The following SMPDL3A variants were observed in gnomAD, a reference collection of about 807,000 sequenced individuals.
The protein encoded by SMPDL3A is sphingomyelin phosphodiesterase acid like 3A.
A neutral mutation model predicts 38.5 loss-of-function variants in SMPDL3A; 39 were observed. The ratio of observed to expected loss-of-function variants is 1.01; its 90% CI spans 0.78 to 1.32. SMPDL3A has a LOEUF of 1.32. Among genes scored for constraint, SMPDL3A ranks in the 40% most tolerant of loss-of-function variants. SMPDL3A has a pLI of 0.00. For synonymous variants in SMPDL3A, 180 were observed against 194.3 expected (o/e 0.93, Z 0.61); for missense variants, 502 against 536.2 (o/e 0.94, Z 0.63).
intron 4 of SMPDL3A, 88 bp downstream of exon 4, chr6:122,801,494 C>CTCCAGAAGTGGCACACT: frequency 1.1e-6 from 1 of 928,978 alleles, no homozygotes; most frequent in African/African-American, 1.6e-5. Context: ...CTTGAGTGTG[C>CTCCAGAAGTGGCACACT]CACTTCTGGA....
intron 7 of SMPDL3A, 140 bp from the exon 8 acceptor site, chr6:122,808,951 C>T: frequency 1.5e-6 from 1 of 675,950 alleles, no homozygotes; most frequent in Non-Finnish European, 2.5e-6. Flanking sequence ...GCCTCAGCCT[C>T]TCAAAGTGCT....
At chr6:122,798,617 C>T (rs1427853550) in intron 3 of SMPDL3A, among the ~76,000 whole-genome samples, 1 of 152,194 alleles carries the variant, frequency 6.6e-6, no homozygotes, top group Non-Finnish European at 1.5e-5. Context: ...ATGAAAAAGG[C>T]ATAGCTTACT....
rs1780987203 is a variant in SMPDL3A, at chr6:122,789,467, T to C, written c.112+9T>C. 1.3e-6 allele frequency: 2 copies of C among 1,543,528 alleles called. No homozygotes were observed. The highest frequency in any genetic ancestry group is 1.7e-4 in the Middle Eastern group (1 of 5,972). ...TCCTCCTCCGGCGATAGGTGAGTTG[T>C]CCGCGACCCTTCTCTTCCCAGCCGG... On this transcript the variant is annotated intron_variant, in intron 1 of 7. Coordinates refer to ENST00000368440, the MANE Select transcript of SMPDL3A (RefSeq NM_006714.5).
At chr6:122,805,142 G>T in intron 6 of SMPDL3A, 53 bp downstream of exon 6, 3 of 1,394,838 alleles carry the variant, frequency 2.2e-6, no homozygotes, top group Admixed American at 2.7e-5. Context: ...AGAGCAAAGC[G>T]GTGAATATCC....
At chr6:122,794,365 G>C (rs1034651239) in intron 1 of SMPDL3A, among the ~76,000 whole-genome samples, 1 of 151,974 alleles carries the variant, frequency 6.6e-6, no homozygotes, top group Admixed American at 6.6e-5. Flanking sequence ...TAGGAGGCTG[G>C]GGCGGGCACA....
chr6:122,801,184 G>A (rs1562352169), intron 3 of SMPDL3A, 126 bp from the exon 4 acceptor site: 14 of 672,826 alleles, frequency 2.1e-5, no homozygotes, highest in Non-Finnish European at 2.1e-5. Flanking sequence ...TGAAGATGAA[G>A]TCTATCTAAT....
At chr6:122,803,980 CT>C in intron 5 of SMPDL3A, 147 bp downstream of exon 5, 2 of 575,824 alleles carry the variant, frequency 3.5e-6, no homozygotes, top group East Asian at 6.2e-5. Context: ...CATGGATTTT[CT>C]TTCTTTTTTT....
chr6:122,800,836 C>T (rs575018450), intron 3 of SMPDL3A, among the ~76,000 whole-genome samples: 8 of 152,220 alleles, frequency 5.3e-5, no homozygotes, highest in South Asian at 2.1e-4. Context: ...CTGCAACCTT[C>T]GCCTCACGGA....
intron 4 of SMPDL3A, 69 bp downstream of exon 4, chr6:122,801,475 T>A: frequency 8.7e-7 from 1 of 1,148,532 alleles, no homozygotes; most frequent in Non-Finnish European, 1.3e-6. Flanking sequence ...CTTAAATTTT[T>A]AATGTTTGCT....
intron 3 of SMPDL3A, 48 bp downstream of exon 3, chr6:122,797,016 G>C: frequency 6.5e-7 from 1 of 1,532,374 alleles, no homozygotes; most frequent in Non-Finnish European, 9.0e-7. Flanking sequence ...TTTCCTATTA[G>C]TAGTGTCAAA....
intron 3 of SMPDL3A, among the ~76,000 whole-genome samples, chr6:122,798,169 T>A (rs1226683267): frequency 1.3e-5 from 2 of 152,224 alleles, no homozygotes; most frequent in African/African-American, 2.4e-5. Context: ...ATGAGTTGTA[T>A]TCTAGAATAA....
intron 3 of SMPDL3A, 68 bp downstream of exon 3, chr6:122,797,036 A>G: frequency 7.6e-7 from 1 of 1,315,190 alleles, no homozygotes; most frequent in Non-Finnish European, 1.1e-6. Context: ...AATTGTGACA[A>G]TAACTAGCTA....
At position 122,795,725 on chromosome 6, in the gene SMPDL3A, T is replaced by A. The variant is rs1453381068; in HGVS notation, c.161T>A (p.Ile54Asn). The stretch of plus-strand genomic sequence containing the variant: ...TTACACTTAGACCCTACTTACCACA[T>A]CACAGATGACCACACAAAAGTGTGT... ...TDLHLDPTYH[I>N]TDDHTKVCAS... Residue 54 changes from isoleucine (I) to asparagine (N), a missense_variant, in exon 2 of 8, where the codon ATC (isoleucine) becomes AAC (asparagine). Physicochemically the swap from Ile to Asn is moderately radical, Grantham distance 149 (BLOSUM62 -3). Transcript: ENST00000368440. 6.2e-7 allele frequency: 1 copy of A among 1,614,170 alleles called. No individual in the cohort carries two copies.
chr6:122,789,657 A>T (rs1466187145), intron 1 of SMPDL3A, 199 bp downstream of exon 1: 1 of 311,196 alleles, frequency 3.2e-6, no homozygotes, highest in Non-Finnish European at 4.7e-6. Context: ...TAGGGCGTCC[A>T]GCCGGGAGGC....
rs1208040472 is a variant in SMPDL3A at position 122,809,322 on chromosome 6, G to A, written c.1276G>A (p.Ala426Thr). Residue 426 changes from alanine (A) to threonine (T), a missense_variant, in exon 8 of 8, where the codon GCC becomes ACC. Transcript: ENST00000368440. ...SSVTCDKTCK[A>T]FQICAIMNLD... is the part of the protein sequence containing the mutation. Reference sequence around the variant, plus strand: ...TGTAACATGTGATAAGACATGTAAGGCCTTTCAGATTTGTGCAATTATGAA... The same window carrying A: ...TGTAACATGTGATAAGACATGTAAGACCTTTCAGATTTGTGCAATTATGAA... The A allele has an allele frequency of 1.2e-6, 2 of 1,613,592 alleles. No homozygotes were observed. Among genetic ancestry groups the A allele is most frequent in the Non-Finnish European group, 1.7e-6 (2 of 1,179,668 alleles).
At chr6:122,801,436 T>TACTACG in intron 4 of SMPDL3A, 30 bp downstream of exon 4, 1 of 1,454,196 alleles carries the variant, frequency 6.9e-7, no homozygotes. Context: ...ATTCCTATTT[T>TACTACG]GCCTCAATTT....
rs1175726784 is a variant in SMPDL3A at position 122,804,306 on chromosome 6, T to A, written c.738+473T>A. Among the ~76,000 whole-genome samples the A allele has an allele frequency of 4.9e-5, 7 of 144,160 alleles. No homozygotes were observed. In the East Asian group the frequency reaches 8.0e-4, roughly 17 times the overall value. The allele number at this position is 144,160 out of a possible 152,430, so 94.6% of individuals were successfully genotyped here. A position where few individuals can be genotyped will look rare whatever the true frequency, so the allele number is the denominator to read the frequency against. On this transcript the variant is annotated intron_variant, in intron 5 of 7. Transcript: ENST00000368440. ...CTGGCCAACTCATTTTAGTTTTAAA[T>A]TTTTTTTTTTTTCAGAGACAGGGGT... is the stretch of plus-strand genomic sequence containing the variant.
chr6:122,805,176 T>C (rs997487308), intron 6 of SMPDL3A, 87 bp downstream of exon 6: 22 of 1,135,714 alleles, frequency 1.9e-5, no homozygotes, highest in Middle Eastern at 2.1e-4. Flanking sequence ...ATTTAGTAAA[T>C]TAAACGTTTT....
At position 122,805,059 on chromosome 6, in the gene SMPDL3A, G is replaced by T. The variant is rs777476071; in HGVS notation, c.889G>T (p.Asp297Tyr). ...ACAATTTTATGGACACACTCACAGA[G>T]ACAGCATTATGGTTCTTTCAGATAA... The part of the protein sequence containing the change: ...AGQFYGHTHR[D>Y]SIMVLSDKKG... Residue 297 changes from aspartate to tyrosine, a missense_variant, in exon 6 of 8, where the codon GAC becomes TAC. Transcript: ENST00000368440. The T allele has an allele frequency of 3.1e-6, 5 of 1,609,410 alleles. No individual in the cohort carries two copies. Among genetic ancestry groups the T allele is most frequent in the Non-Finnish European group, 3.4e-6 (4 of 1,178,636 alleles).
Sources: gnomAD v4.1 joint callset for allele counts (sites outside exome capture counted in the v4.1 genomes callset) on GRCh38, gnomAD v4.1.1 for gene constraint, MANE v1.5 for transcripts, NCBI Gene and HGNC (gene_info 2026-07-23, HGNC 2026-07-21) for gene names.